VPS37A: variants seen among roughly 807,000 people sequenced by gnomAD.
The protein encoded by VPS37A is vacuolar protein sorting-associated protein 37A.
VPS37A carries 30 observed loss-of-function variants against 49.8 expected under a neutral mutation model. The ratio of observed to expected loss-of-function variants is 0.60; its 90% CI spans 0.45 to 0.82. The LOEUF is 0.82. VPS37A is among the 40% of genes least tolerant of loss of function. The pLI is 0.00. For missense variants in VPS37A, 593 were observed against 464.4 expected (o/e 1.28, Z -2.55); for synonymous variants, 195 against 160.6 (o/e 1.21, Z -1.62).
At chr8:17,331,867 C>T in the VPS37A span, among the ~76,000 whole-genome samples, 4 of 152,068 alleles carry the variant, frequency 2.6e-5, no homozygotes, top group African/African-American at 7.2e-5. Context: ...TTCCACCAGC[C>T]GCCTTATTTA....
Position 17,284,556 on chromosome 8 carries a change from C to T in VPS37A, c.1053C>T (p.Asp351=), listed in dbSNP as rs2285269. 0.17 allele frequency: 264,201 copies of T among 1,599,262 alleles called. 30,605 individuals are homozygous for T. Among genetic ancestry groups the T allele is most frequent in the East Asian group, 0.6 (26,167 of 43,376 alleles). Residue 351 remains aspartate, a synonymous_variant, in exon 10 of 12, where the codon GAC becomes GAT. Transcript: ENST00000324849. ...AEEESDNIAE[D]FLEGKMEIDD... is the part of the protein sequence containing the mutation. The stretch of plus-strand genomic sequence containing the variant: ...AAGAATCTGATAATATTGCAGAAGA[C>T]TTCTTGGAGGGAAAGATGGAAATAG...
At chr8:17,256,337 T>G (rs1585931569) in intron 1 of VPS37A, among the ~76,000 whole-genome samples, 2 of 142,580 alleles carry the variant, frequency 1.4e-5, no homozygotes, top group Non-Finnish European at 3.0e-5. Flanking sequence ...GGTCCCACTG[T>G]TTGTTGCCCA....
the VPS37A span, among the ~76,000 whole-genome samples, chr8:17,331,697 A>T: frequency 6.6e-6 from 1 of 152,234 alleles, no homozygotes; most frequent in South Asian, 2.1e-4. Context: ...ATACATTATT[A>T]TATCTTCTAG....
chr8:17,247,042 C>G lies in VPS37A; in HGVS notation c.-203C>G, dbSNP rs1008694946. The G allele has an allele frequency of 5.9e-6, 4 of 674,030 alleles. No homozygotes were observed. Among genetic ancestry groups the G allele is most frequent in the South Asian group, 1.9e-5 (1 of 52,206 alleles). The allele number at this position is 674,030 out of a possible 1,614,324, so 41.8% of individuals were successfully genotyped here. ...CTCCTGTTCCGGGCCGCAAGTTTCC[C>G]TCTCCAGCCGCCCGCCGTTCGTAGC... On this transcript the variant is annotated 5_prime_UTR_variant, in exon 1 of 12. Coordinates refer to ENST00000324849, the MANE Select transcript of VPS37A (RefSeq NM_152415.3).
chr8:17,279,854 C>T lies in VPS37A; in HGVS notation c.714-174C>T, dbSNP rs1384715829. The T allele has an allele frequency of 6.6e-6, 5 of 759,966 alleles. No individual in the cohort carries two copies. The East Asian group carries it at 8.7e-5, about 13-fold the overall frequency. 47.1% of individuals were successfully genotyped at this position (759,966 alleles called of 1,614,324 possible). ...ATATATTACAGACTGCTCTATGTTC[C>T]ATTGTGGTTGATGTTTTATTTGATT... On this transcript the variant is annotated intron_variant, in intron 6 of 11. Coordinates refer to ENST00000324849, the MANE Select transcript of VPS37A (RefSeq NM_152415.3).
Position 17,246,989 on chromosome 8 carries a change from T to G in VPS37A, c.-256T>G. 2.0e-6 allele frequency: 1 copy of G among 499,680 alleles called. No homozygotes were observed. The highest frequency in any genetic ancestry group is 3.6e-6 in the Non-Finnish European group (1 of 280,962). The allele number at this position is 499,680 out of a possible 1,614,324, so 31.0% of individuals were successfully genotyped here. On this transcript the variant is annotated 5_prime_UTR_variant, in exon 1 of 12. Coordinates refer to ENST00000324849, the MANE Select transcript of VPS37A (RefSeq NM_152415.3). ...CGGCCAGGCTCCCTGGCTGGCCGGTTTGGGCGTCTGGGCCGTGAAGGTGGG... is the reference window on the plus strand; with the variant it reads ...CGGCCAGGCTCCCTGGCTGGCCGGTGTGGGCGTCTGGGCCGTGAAGGTGGG...
At chr8:17,300,693 G>A (rs938380538), downstream of VPS37A, among the ~76,000 whole-genome samples, 1 of 152,124 alleles carries the variant, frequency 6.6e-6, no homozygotes, top group Non-Finnish European at 1.5e-5. Flanking sequence ...GTTGTGCAAC[G>A]ATCACTACTA....
Position 17,277,423 on chromosome 8 carries a change from G to A in VPS37A, c.713+956G>A, listed in dbSNP as rs13264837. Among the ~76,000 whole-genome samples the A allele has an allele frequency of 8.4e-3, 1,277 of 151,876 alleles. 8 individuals carry two copies. The highest frequency in any genetic ancestry group is 0.015 in the Non-Finnish European group (993 of 67,890). Reference sequence around the variant, plus strand: ...ATGAAAACATCAAAAATGCAAAAAAGGTGAAGAAACTAGTATAATGAGCCA... The same window carrying A: ...ATGAAAACATCAAAAATGCAAAAAAAGTGAAGAAACTAGTATAATGAGCCA... On this transcript the variant is annotated intron_variant, in intron 6 of 11. Transcript: ENST00000324849.
At chr8:17,321,479 G>C in the VPS37A span, among the ~76,000 whole-genome samples, 3 of 152,212 alleles carry the variant, frequency 2.0e-5, no homozygotes, top group Admixed American at 2.0e-4. Flanking sequence ...ACCACTGAGA[G>C]GGTGTTTTCT....
At chr8:17,284,703 T>G in intron 10 of VPS37A, 87 bp downstream of exon 10, 1 of 1,423,926 alleles carries the variant, frequency 7.0e-7, no homozygotes, top group Non-Finnish European at 9.4e-7. Flanking sequence ...GTTAGCTATT[T>G]CTCTATTATG....
intron 11 of VPS37A, among the ~76,000 whole-genome samples, chr8:17,287,101 T>C (rs1339133791): frequency 6.6e-6 from 1 of 152,232 alleles, no homozygotes; most frequent in Non-Finnish European, 1.5e-5. Flanking sequence ...ACGGTATCTT[T>C]GGCCGTGCTT....
At chr8:17,278,703 GT>G (rs1313795474) in intron 6 of VPS37A, among the ~76,000 whole-genome samples, 1 of 151,762 alleles carries the variant, frequency 6.6e-6, no homozygotes, top group Admixed American at 6.6e-5. Context: ...TTTTGTTTTT[GT>G]TTTTTACAGT....
At chr8:17,303,622 T>C (rs922117944), downstream of VPS37A, among the ~76,000 whole-genome samples, 2 of 152,190 alleles carry the variant, frequency 1.3e-5, no homozygotes, top group Non-Finnish European at 2.9e-5. Context: ...TTTTTTTTTT[T>C]TTTTGAGATG....
intron 6 of VPS37A, among the ~76,000 whole-genome samples, chr8:17,276,890 T>A (rs1382596002): frequency 6.6e-6 from 1 of 152,240 alleles, no homozygotes; most frequent in African/African-American, 2.4e-5. Context: ...AGATCCAAAC[T>A]TTTTTTCAAA....
At chr8:17,328,722 T>C in the VPS37A span, among the ~76,000 whole-genome samples, 1 of 151,878 alleles carries the variant, frequency 6.6e-6, no homozygotes, top group South Asian at 2.1e-4. Context: ...AAATTTTAAA[T>C]AAAAAAAGAA....
chr8:17,261,775 G>A (rs898579778), intron 1 of VPS37A, among the ~76,000 whole-genome samples: 1 of 152,180 alleles, frequency 6.6e-6, no homozygotes, highest in Admixed American at 6.5e-5. Context: ...GGGAAGGCTG[G>A]CAAACGGTTC....
At chr8:17,279,133 T>G (rs1315053993) in intron 6 of VPS37A, among the ~76,000 whole-genome samples, 3 of 152,112 alleles carry the variant, frequency 2.0e-5, no homozygotes, top group African/African-American at 7.2e-5. Context: ...GTAAGCTAAA[T>G]AGTCACAGAG....
intron 1 of VPS37A, among the ~76,000 whole-genome samples, chr8:17,258,854 C>T (rs192075204): frequency 1.5e-4 from 23 of 151,944 alleles, no homozygotes; most frequent in Admixed American, 3.9e-4. Flanking sequence ...TGTATATGTC[C>T]GGCAATTTGT....
At chr8:17,323,267 T>C in the VPS37A span, among the ~76,000 whole-genome samples, 7 of 152,050 alleles carry the variant, frequency 4.6e-5, no homozygotes, top group Admixed American at 4.6e-4. Flanking sequence ...TCTTGATTTA[T>C]TAAGGAGTAA....
Sources: gnomAD v4.1 joint callset for allele counts (sites outside exome capture counted in the v4.1 genomes callset) on GRCh38, gnomAD v4.1.1 for gene constraint, MANE v1.5 for transcripts, NCBI Gene and HGNC (gene_info 2026-07-23, HGNC 2026-07-21) for gene names.